Variants in LDB2 observed in about 807,000 individuals in gnomAD.
LDB2 encodes LIM domain-binding protein 2.
LDB2 carries 12 observed loss-of-function variants against 44.3 expected under a neutral mutation model. The ratio of observed to expected loss-of-function variants is 0.27; its 90% CI spans 0.17 to 0.44. The LOEUF is 0.44. Ranked by LOEUF, LDB2 falls within the 20% of genes least tolerant of loss-of-function variation. LDB2 has a pLI of 1.00. For missense variants in LDB2, 344 were observed against 473.5 expected, an observed-to-expected ratio of 0.73 and a Z score of 2.54; for synonymous variants, 164 against 174.8, an observed-to-expected ratio of 0.94 and a Z score of 0.49.
intron 1 of LDB2, among the ~76,000 whole-genome samples, chr4:16,856,385 C>T (rs896106302): frequency 2.6e-5 from 4 of 152,104 alleles, no homozygotes; most frequent in Admixed American, 2.0e-4. Flanking sequence ...AGTGGATATT[C>T]TCATACTCTG....
At chr4:16,585,878 C>T in intron 5 of LDB2, 44 bp downstream of exon 5, 1 of 1,502,922 alleles carries the variant, frequency 6.7e-7, no homozygotes, top group East Asian at 2.3e-5. Context: ...CTCTGGAGTA[C>T]TTTTCAAACT....
intron 1 of LDB2, among the ~76,000 whole-genome samples, chr4:16,854,864 C>T (rs1022131746): frequency 4.6e-5 from 7 of 151,864 alleles, no homozygotes; most frequent in Non-Finnish European, 7.4e-5. Flanking sequence ...CGTATGGATG[C>T]ACACGATTAT....
intron 1 of LDB2, among the ~76,000 whole-genome samples, chr4:16,814,211 G>C (rs746258752): frequency 5.3e-5 from 8 of 152,112 alleles, no homozygotes; most frequent in Non-Finnish European, 7.3e-5. Flanking sequence ...TTTGCTTCTG[G>C]AAAATTACCT....
intron 5 of LDB2, among the ~76,000 whole-genome samples, chr4:16,565,349 T>A (rs1744108456): frequency 6.6e-6 from 1 of 152,198 alleles, no homozygotes; most frequent in Non-Finnish European, 1.5e-5. Context: ...CAATTATTCT[T>A]ATTAATATAT....
intron 2 of LDB2, among the ~76,000 whole-genome samples, chr4:16,749,388 T>A: frequency 6.6e-6 from 1 of 151,478 alleles, no homozygotes; most frequent in Non-Finnish European, 1.5e-5. Flanking sequence ...TGAAACCTCG[T>A]CTCTACTAAA....
intron 1 of LDB2, among the ~76,000 whole-genome samples, chr4:16,769,373 T>C (rs1770111490): frequency 3.3e-5 from 5 of 152,022 alleles, no homozygotes; most frequent in Admixed American, 3.3e-4. Flanking sequence ...CTCGGCTCAC[T>C]GCAACCTCCG....
intron 2 of LDB2, among the ~76,000 whole-genome samples, chr4:16,706,885 C>T (rs1826859): frequency 0.45 from 68,291 of 151,882 alleles, 15,989 homozygotes; most frequent in East Asian, 0.78. Context: ...TAGGAAGTAG[C>T]TCATTATTGC....
chr4:16,869,624 C>T (rs552297449), intron 1 of LDB2, among the ~76,000 whole-genome samples: 18 of 152,260 alleles, frequency 1.2e-4, no homozygotes, highest in South Asian at 1.0e-3. Flanking sequence ...GAAATCCAAG[C>T]GCAGAGAGTT....
chr4:16,526,494 G>T (rs1359644366), intron 5 of LDB2, among the ~76,000 whole-genome samples: 1 of 152,158 alleles, frequency 6.6e-6, no homozygotes, highest in East Asian at 1.9e-4. Context: ...GAACTCCTCA[G>T]CCTCTGTCAT....
At chr4:16,618,118 T>TATTACAGC (rs1179613577) in intron 2 of LDB2, among the ~76,000 whole-genome samples, 5 of 152,178 alleles carry the variant, frequency 3.3e-5, no homozygotes, top group African/African-American at 1.2e-4. Flanking sequence ...TACACTTGTC[T>TATTACAGC]ATTACAGCAT....
intron 2 of LDB2, among the ~76,000 whole-genome samples, chr4:16,700,164 A>C (rs980023851): frequency 6.6e-6 from 1 of 152,146 alleles, no homozygotes; most frequent in Non-Finnish European, 1.5e-5. Context: ...TCAAATTTTG[A>C]AGCATTTCAC....
At chr4:16,642,924 G>A (rs906645155) in intron 2 of LDB2, among the ~76,000 whole-genome samples, 6 of 152,314 alleles carry the variant, frequency 3.9e-5, no homozygotes, top group African/African-American at 1.2e-4. Context: ...GTGGCAAGAA[G>A]ATAGTCTTTT....
chr4:16,861,087 A>T (rs977438181), intron 1 of LDB2, among the ~76,000 whole-genome samples: 3 of 152,208 alleles, frequency 2.0e-5, no homozygotes, highest in African/African-American at 7.2e-5. Context: ...TATGAAGAAC[A>T]TATATATCAA....
At chr4:16,729,488 G>C (rs1760272653) in intron 2 of LDB2, among the ~76,000 whole-genome samples, 1 of 152,182 alleles carries the variant, frequency 6.6e-6, no homozygotes, top group African/African-American at 2.4e-5. Flanking sequence ...CTCAGCCAGA[G>C]AGCAGGAGAG....
chr4:16,607,625 A>T (rs1044181074), intron 2 of LDB2, among the ~76,000 whole-genome samples: 3 of 140,420 alleles, frequency 2.1e-5, no homozygotes, highest in African/African-American at 7.6e-5. Flanking sequence ...AATGCCTGAC[A>T]CATGTTAGCT....
At chr4:16,674,659 A>G (rs1161924636) in intron 2 of LDB2, among the ~76,000 whole-genome samples, 5 of 152,138 alleles carry the variant, frequency 3.3e-5, no homozygotes. Flanking sequence ...CTGCTCCCCA[A>G]TTTACGCATT....
At chr4:16,897,946 GTATATATATATA>G (rs35836810) in intron 1 of LDB2, among the ~76,000 whole-genome samples, 1 of 27,950 alleles carries the variant, frequency 3.6e-5, no homozygotes, top group Non-Finnish European at 6.2e-5. Context: ...ATACACATAT[GTATATATATATA>G]TATATATATA....
chr4:16,727,384 A>C (rs1460392319), intron 2 of LDB2, among the ~76,000 whole-genome samples: 2 of 152,244 alleles, frequency 1.3e-5, no homozygotes, highest in African/African-American at 2.4e-5. Flanking sequence ...TCAAGCCCAC[A>C]TGCAGGTCTA....
chr4:16,504,890 A>C (rs1277671252), intron 7 of LDB2, among the ~76,000 whole-genome samples: 1 of 152,232 alleles, frequency 6.6e-6, no homozygotes, highest in Non-Finnish European at 1.5e-5. Context: ...TGTGTCCAGC[A>C]CACTTGAAGG....
Sources: allele counts gnomAD v4.1 joint callset (sites outside exome capture counted in the v4.1 genomes callset), GRCh38; gene constraint gnomAD v4.1.1; transcripts MANE v1.5; gene names NCBI Gene and HGNC (gene_info 2026-07-23, HGNC 2026-07-21).